The following MDGA2 variants were observed in gnomAD, a reference collection of about 807,000 sequenced individuals.
MDGA2 encodes MAM domain containing glycosylphosphatidylinositol anchor 2, also known as MAM domain-containing glycosylphosphatidylinositol anchor protein 2.
MDGA2 carries 40 observed loss-of-function variants against 117.8 expected under a neutral mutation model. That is an observed-to-expected ratio of 0.34 (90% confidence interval 0.26 to 0.44). The LOEUF (loss-of-function observed/expected upper bound fraction) is 0.44, where lower values mean the gene tolerates loss of function less well. Ranked by LOEUF, MDGA2 falls within the 20% of genes least tolerant of loss-of-function variation. The pLI is 1.00. For missense variants in MDGA2, 1,123 were observed against 1,250.6 expected (o/e 0.90, Z 1.54); for synonymous variants, 452 against 439.0 (o/e 1.03, Z -0.37).
chr14:47,235,886 T>C (rs1196711824), intron 2 of MDGA2, among the ~76,000 whole-genome samples: 4 of 152,156 alleles, frequency 2.6e-5, no homozygotes, highest in Non-Finnish European at 5.9e-5. Flanking sequence ...CCCCAGTGGC[T>C]GCTCAGGAAG....
chr14:47,102,465 A>T (rs2139008926), intron 5 of MDGA2, among the ~76,000 whole-genome samples: 1 of 152,198 alleles, frequency 6.6e-6, no homozygotes, highest in African/African-American at 2.4e-5. Flanking sequence ...TAAAATGCTC[A>T]GGTAGGAAAT....
intron 6 of MDGA2, among the ~76,000 whole-genome samples, chr14:47,086,743 T>C (rs964889223): frequency 1.3e-5 from 2 of 152,160 alleles, no homozygotes; most frequent in Non-Finnish European, 2.9e-5. Context: ...TTTCTGAATA[T>C]GTAGATACTC....
rs376175321 is a variant in MDGA2 at position 47,382,152 on chromosome 14, C to T, written c.281-80602G>A. Reference sequence around the variant, plus strand: ...ATGCTGGGAAAACTGGCTAGCCATACGTAGAAAGCTGAAACTGGATCCCTT... The same window carrying T: ...ATGCTGGGAAAACTGGCTAGCCATATGTAGAAAGCTGAAACTGGATCCCTT... On this transcript the variant is annotated intron_variant, in intron 1 of 16. Coordinates refer to ENST00000399232, the MANE Select transcript of MDGA2 (RefSeq NM_001113498.3). Among the ~76,000 whole-genome samples, 1,247 of 152,054 alleles carry T rather than the reference C, an allele frequency of 8.2e-3. 9 individuals carry two copies. The highest frequency in any genetic ancestry group is 0.014 in the Non-Finnish European group (925 of 67,950).
At chr14:46,934,800 T>TA (rs1011579915) in intron 9 of MDGA2, among the ~76,000 whole-genome samples, 5 of 152,230 alleles carry the variant, frequency 3.3e-5, no homozygotes, top group East Asian at 1.9e-4. Flanking sequence ...AATTTTATAT[T>TA]AAAAAAATCA....
At chr14:47,374,583 T>C (rs1594823606) in intron 1 of MDGA2, among the ~76,000 whole-genome samples, 1 of 152,080 alleles carries the variant, frequency 6.6e-6, no homozygotes, top group Non-Finnish European at 1.5e-5. Context: ...CCAAACGCTG[T>C]TGTCATCAAT....
At chr14:47,526,130 C>A (rs1894968256) in intron 1 of MDGA2, among the ~76,000 whole-genome samples, 1 of 152,116 alleles carries the variant, frequency 6.6e-6, no homozygotes. Context: ...AGAAAATTCT[C>A]CATCTTTTTC....
In MDGA2 at chr14:47,291,877, A is replaced by G. The variant is rs923272575; in HGVS notation, c.420+9534T>C. ...GACAATCAAGTTCCTTGTGCACTGT[A>G]ATATTACAGAGAGTGAGCGTTAGCC... is the stretch of plus-strand genomic sequence containing the variant. On this transcript the variant is annotated intron_variant, in intron 2 of 16. Transcript: ENST00000399232. Among the ~76,000 whole-genome samples the G allele has an allele frequency of 5.3e-5, 8 of 152,336 alleles. No homozygotes were observed. In the East Asian group the frequency reaches 1.5e-3, roughly 29 times the overall value.
At chr14:47,169,901 G>C (rs1884048167) in intron 3 of MDGA2, among the ~76,000 whole-genome samples, 1 of 151,842 alleles carries the variant, frequency 6.6e-6, no homozygotes, top group East Asian at 1.9e-4. Context: ...AACTCACCCA[G>C]AAATTGAAAA....
chr14:47,226,018 G>A (rs1886482532), intron 2 of MDGA2, among the ~76,000 whole-genome samples: 1 of 151,942 alleles, frequency 6.6e-6, no homozygotes, highest in Non-Finnish European at 1.5e-5. Context: ...GCCGGGAGCA[G>A]TGGCTCACGC....
intron 1 of MDGA2, among the ~76,000 whole-genome samples, chr14:47,566,091 A>G (rs971112391): frequency 6.6e-6 from 1 of 152,212 alleles, no homozygotes; most frequent in African/African-American, 2.4e-5. Flanking sequence ...GTTTGCCTGC[A>G]CATATGCACA....
At chr14:47,014,251 T>A (rs1457765474) in intron 8 of MDGA2, among the ~76,000 whole-genome samples, 1 of 152,192 alleles carries the variant, frequency 6.6e-6, no homozygotes, top group African/African-American at 2.4e-5. Flanking sequence ...GTTGCATTTA[T>A]GAAGCACAGG....
intron 2 of MDGA2, among the ~76,000 whole-genome samples, chr14:47,280,453 AG>A (rs1888450092): frequency 1.3e-5 from 2 of 152,084 alleles, no homozygotes; most frequent in Non-Finnish European, 2.9e-5. Context: ...TGGCTGTAGC[AG>A]GAAGTTACTA....
intron 5 of MDGA2, among the ~76,000 whole-genome samples, chr14:47,101,096 G>T (rs1330614906): frequency 1.6e-5 from 2 of 121,532 alleles, no homozygotes; most frequent in African/African-American, 6.7e-5. Flanking sequence ...TAGATAGATA[G>T]ATAGATAGAT....
At chr14:47,521,461 A>C (rs984088057) in intron 1 of MDGA2, among the ~76,000 whole-genome samples, 1 of 152,132 alleles carries the variant, frequency 6.6e-6, no homozygotes, top group Non-Finnish European at 1.5e-5. Context: ...AATAAACAGA[A>C]AATTCTACAG....
rs530068466 is a variant in MDGA2 at position 47,042,311 on chromosome 14, T to TG, written c.1526-7008dup. On this transcript the variant is annotated intron_variant, in intron 7 of 16. Coordinates refer to ENST00000399232, the MANE Select transcript of MDGA2 (RefSeq NM_001113498.3). Reference sequence around the variant, plus strand: ...AAATAATCCAAATGAACCAAATCTATGTTTTTTTTTTTTTTTTGTGTGTGT... The same window carrying TG: ...AAATAATCCAAATGAACCAAATCTATGGTTTTTTTTTTTTTTTTGTGTGTGT... Among the ~76,000 whole-genome samples the TG allele has an allele frequency of 2.8e-3, 218 of 76,660 alleles. 1 individual carries two copies. The highest frequency in any genetic ancestry group is 0.014 in the African/African-American group (209 of 15,432). The allele number at this position is 76,660 out of a possible 152,430, so 50.3% of individuals were successfully genotyped here.
At chr14:47,195,020 G>T (rs1165571190) in intron 3 of MDGA2, among the ~76,000 whole-genome samples, 2 of 151,882 alleles carry the variant, frequency 1.3e-5, no homozygotes, top group Non-Finnish European at 2.9e-5. Context: ...TTAAACACAA[G>T]TTCTCACTTT....
intron 1 of MDGA2, among the ~76,000 whole-genome samples, chr14:47,332,167 T>C (rs1344973565): frequency 2.6e-5 from 4 of 152,026 alleles, no homozygotes; most frequent in Non-Finnish European, 5.9e-5. Flanking sequence ...TCTGTGTAAT[T>C]CCATACAAGG....
At chr14:46,984,673 T>C (rs1211197256) in intron 8 of MDGA2, among the ~76,000 whole-genome samples, 2 of 152,034 alleles carry the variant, frequency 1.3e-5, no homozygotes. Flanking sequence ...ACTATTTAAC[T>C]AGATGTGTTC....
At position 47,348,139 on chromosome 14, in the gene MDGA2, G is replaced by C. The variant is rs201752935; in HGVS notation, c.281-46589C>G. On this transcript the variant is annotated intron_variant, in intron 1 of 16. Coordinates refer to ENST00000399232, the MANE Select transcript of MDGA2 (RefSeq NM_001113498.3). ...GAAGAAAATAATTGTATTGTGCTCT[G>C]TCTCTCTCTCTCTCTCTCTCTCTGT... 1.7e-4 allele frequency among the ~76,000 whole-genome samples: 25 copies of C among 144,618 alleles called. No homozygotes were observed. The East Asian group carries it at 1.9e-3, about 11-fold the overall frequency. 94.9% of individuals were successfully genotyped at this position (144,618 alleles called of 152,430 possible). A position where few individuals can be genotyped will look rare whatever the true frequency, so the allele number is the denominator to read the frequency against.
Sources: gnomAD v4.1 joint callset for allele counts (sites outside exome capture counted in the v4.1 genomes callset) on GRCh38, gnomAD v4.1.1 for gene constraint, MANE v1.5 for transcripts, NCBI Gene and HGNC (gene_info 2026-07-23, HGNC 2026-07-21) for gene names.